Variants in MAP3K6 observed in about 807,000 individuals in gnomAD.
The protein encoded by MAP3K6 is apoptosis signal-regulating kinase 2.
A neutral mutation model predicts 147.1 loss-of-function variants in MAP3K6; 105 were observed. The ratio of observed to expected loss-of-function variants is 0.71; its 90% CI spans 0.61 to 0.84. MAP3K6 has a LOEUF of 0.84. Ranked by LOEUF, MAP3K6 falls within the 40% of genes least tolerant of loss-of-function variation. MAP3K6 has a pLI of 0.00. For missense variants in MAP3K6, 1,569 were observed against 1,715.0 expected, an observed-to-expected ratio of 0.91 and a Z score of 1.50; for synonymous variants, 695 against 732.4, an observed-to-expected ratio of 0.95 and a Z score of 0.82.
chr1:27,361,194 C>A lies in MAP3K6; in HGVS notation c.1795G>T (p.Val599Phe). The part of the protein sequence containing the change: ...FLYALPPAQD[V>F]QLCFPSVGHC... ...CCTACGCTGGGGAAGCACAGCTGGA[C>A]GTCCTGAGCCGGGGGGAGTGCATAG... Residue 599 changes from valine (V) to phenylalanine (F), a missense_variant, in exon 13 of 29, where the codon GTC (valine) becomes TTC (phenylalanine). Transcript: ENST00000357582. 1 of 1,612,754 alleles carries A rather than the reference C, an allele frequency of 6.2e-7. No homozygotes were observed. Among genetic ancestry groups the A allele is most frequent in the Non-Finnish European group, 8.5e-7 (1 of 1,179,732 alleles).
Position 27,356,620 on chromosome 1 carries a change from TG to T in MAP3K6, c.3493del (p.Gln1165SerfsTer2), listed in dbSNP as rs1424056031. 1 of 1,612,942 alleles carries T rather than the reference TG, an allele frequency of 6.2e-7. No individual in the cohort carries two copies. ...AGTCTCTGCCCTCAAGAGGCTCAGC[TG>T]CACCATCAGAGGAGCGGGGCCCTGC... ...PEQGPAPLMV[Q>X]LSLLRAETDR... On this transcript the variant is annotated frameshift_variant, in exon 25 of 29. Transcript: ENST00000357582. LOFTEE classifies it high-confidence loss of function.
chr1:27,355,493 G>C lies in MAP3K6; in HGVS notation c.3789-24C>G, dbSNP rs374778272. Reference sequence around the variant, plus strand: ...CCCTGGGGGTAATGGACTCAGTGTGGCTCAGCCAGAAGGTGGCCCTGGACT... The same window carrying C: ...CCCTGGGGGTAATGGACTCAGTGTGCCTCAGCCAGAAGGTGGCCCTGGACT... On this transcript the variant is annotated intron_variant, in intron 28 of 28. Coordinates refer to ENST00000357582, the MANE Select transcript of MAP3K6 (RefSeq NM_004672.5). 2.3e-5 allele frequency: 37 copies of C among 1,612,550 alleles called. No individual in the cohort carries two copies. The African/African-American group carries it at 4.5e-4, about 20-fold the overall frequency.
intron 6 of MAP3K6, 80 bp downstream of exon 6, chr1:27,363,362 C>T: frequency 8.4e-7 from 1 of 1,186,458 alleles, no homozygotes; most frequent in Non-Finnish European, 1.2e-6. Context: ...TGATCCCAGA[C>T]AGCAATGGCT....
Position 27,359,400 on chromosome 1 carries a change from C to T in MAP3K6, c.2425+17G>A, listed in dbSNP as rs1395904211. The T allele has an allele frequency of 6.2e-6, 10 of 1,613,902 alleles. No homozygotes were observed. The Admixed American group carries it at 8.3e-5, about 13-fold the overall frequency. Reference sequence around the variant, plus strand: ...CCCAGGTCAGCATCCCCACTCACCACCCCCACACCTTGTTACCTGTGAAGG... The same window carrying T: ...CCCAGGTCAGCATCCCCACTCACCATCCCCACACCTTGTTACCTGTGAAGG... On this transcript the variant is annotated intron_variant, in intron 18 of 28. Transcript: ENST00000357582. The surrounding 1 kb of genome is among the most constrained non-coding windows in gnomAD (Gnocchi z 4.4).
chr1:27,366,625 C>T lies in MAP3K6; in HGVS notation c.-28G>A, dbSNP rs1378668164. ...GGGGGCGCTCAGGCGCGGGGCGCCG[C>T]GCACTGGGAACCGGGGGCGGGGCAG... On this transcript the variant is annotated 5_prime_UTR_variant, in exon 1 of 29. Coordinates refer to ENST00000357582, the MANE Select transcript of MAP3K6 (RefSeq NM_004672.5). This position sits in a 1 kb window ranked among gnomAD's most constrained non-coding sequence, Gnocchi z 5.5. 2 of 1,078,600 alleles carry T rather than the reference C, an allele frequency of 1.9e-6. No homozygotes were observed. Among genetic ancestry groups the T allele is most frequent in the Non-Finnish European group, 2.2e-6 (2 of 890,466 alleles). The allele number at this position is 1,078,600 out of a possible 1,614,324, so 66.8% of individuals were successfully genotyped here.
chr1:27,365,974 C>T (rs1292945808), intron 1 of MAP3K6, among the ~76,000 whole-genome samples: 1 of 151,316 alleles, frequency 6.6e-6, no homozygotes, highest in Non-Finnish European at 1.5e-5. Flanking sequence ...CCATCCTTGC[C>T]CCGCTGGCTG....
Position 27,358,962 on chromosome 1 carries a change from A to T in MAP3K6, c.2426-96T>A. 7.9e-7 allele frequency: 1 copy of T among 1,261,044 alleles called. No individual in the cohort carries two copies. The highest frequency in any genetic ancestry group is 1.1e-6 in the Non-Finnish European group (1 of 909,406). The allele number at this position is 1,261,044 out of a possible 1,614,324, so 78.1% of individuals were successfully genotyped here. On this transcript the variant is annotated intron_variant, in intron 18 of 28. Transcript: ENST00000357582. This position sits in a 1 kb window ranked among gnomAD's most constrained non-coding sequence, Gnocchi z 6.2. ...CGTCATCCTCAGGCCGACTGCACCC[A>T]TACTGAACCTATCATCCAAAATATA...
rs1385071945 is a variant in MAP3K6 at position 27,366,474 on chromosome 1, T to C, written c.124A>G (p.Ser42Gly). 1.9e-6 allele frequency: 2 copies of C among 1,080,530 alleles called. No individual in the cohort carries two copies. The highest frequency in any genetic ancestry group is 2.2e-6 in the Non-Finnish European group (2 of 893,718). The allele number at this position is 1,080,530 out of a possible 1,614,324, so 66.9% of individuals were successfully genotyped here. The change falls in exon 1 of 29, where the codon AGC becomes GGC. Residue 42 changes from serine (S) to glycine (G), a missense_variant. Coordinates refer to ENST00000357582, the MANE Select transcript of MAP3K6 (RefSeq NM_004672.5). The surrounding 1 kb of genome is among the most constrained non-coding windows in gnomAD (Gnocchi z 5.5). Reference sequence around the variant, plus strand: ...ACGTAGACCACGCTGAGCGGCCGGCTCCGCGCGCAGCCCCGGCCCGGGGGC... The same window carrying C: ...ACGTAGACCACGCTGAGCGGCCGGCCCCGCGCGCAGCCCCGGCCCGGGGGC... The part of the protein sequence containing the change: ...AAPPGRGCAR[S>G]RPLSVVYVLT...
rs763624874 is a variant in MAP3K6 at position 27,356,751 on chromosome 1, T to G, written c.3365-2A>C. On this transcript the variant is annotated splice_acceptor_variant, in intron 24 of 28. Transcript: ENST00000357582. LOFTEE classifies it high-confidence loss of function. Reference sequence around the variant, plus strand: ...GTGAGACCGCCTCCTTCTCCACCTCTGCAGCCCAGTGCGGTGAACTCAGGC... The same window carrying G: ...GTGAGACCGCCTCCTTCTCCACCTCGGCAGCCCAGTGCGGTGAACTCAGGC... 6.5e-7 allele frequency: 1 copy of G among 1,548,054 alleles called. No homozygotes were observed. The highest frequency in any genetic ancestry group is 2.3e-5 in the East Asian group (1 of 44,260).
In MAP3K6 at chr1:27,360,162, C is replaced by T; in HGVS notation, c.2182+79G>A. The T allele has an allele frequency of 6.3e-7, 1 of 1,593,536 alleles. No individual in the cohort carries two copies. Among genetic ancestry groups the T allele is most frequent in the Non-Finnish European group, 8.6e-7 (1 of 1,168,122 alleles). ...CACACGCACTAGGGTGCATTTCCCC[C>T]TAGGGCTCTCTACCCCTGCCTGCCT... On this transcript the variant is annotated intron_variant, in intron 16 of 28. Transcript: ENST00000357582. The surrounding 1 kb of genome is among the most constrained non-coding windows in gnomAD (Gnocchi z 4.5).
rs200209700 is a variant in MAP3K6, at chr1:27,358,353, C to T, written c.2777-34G>A. Reference sequence around the variant, plus strand: ...GGGACAGAGCCATCAGCTGGGCTCTCCTCCACCCTCACAGCTCCACAACTC... The same window carrying T: ...GGGACAGAGCCATCAGCTGGGCTCTTCTCCACCCTCACAGCTCCACAACTC... On this transcript the variant is annotated intron_variant, in intron 20 of 28. Coordinates refer to ENST00000357582, the MANE Select transcript of MAP3K6 (RefSeq NM_004672.5). This position sits in a 1 kb window ranked among gnomAD's most constrained non-coding sequence, Gnocchi z 6.2. 9.0e-5 allele frequency: 144 copies of T among 1,593,232 alleles called. No homozygotes were observed. In the Admixed American group the frequency reaches 1.8e-3, roughly 20 times the overall value.
chr1:27,356,676 G>C lies in MAP3K6; in HGVS notation c.3438C>G (p.Gly1146=). The change falls in exon 25 of 29, where the codon GGC becomes GGG. Residue 1146 remains glycine, a synonymous_variant. Transcript: ENST00000357582. Reference sequence around the variant, plus strand: ...GCTCCACCGGAAGCGGGCTCTGCTGGCCTGGGCTCTGCTGGGAGTCCCCTT... The same window carrying C: ...GCTCCACCGGAAGCGGGCTCTGCTGCCCTGGGCTCTGCTGGGAGTCCCCTT... The part of the protein sequence containing the change: ...SNEGDSQQSP[G]QQSPLPVEPE... The C allele has an allele frequency of 6.2e-7, 1 of 1,610,748 alleles. No homozygotes were observed. Among genetic ancestry groups the C allele is most frequent in the Non-Finnish European group, 8.5e-7 (1 of 1,178,412 alleles).
Position 27,361,313 on chromosome 1 carries a change from G to A in MAP3K6, c.1736+33C>T, listed in dbSNP as rs770695539. On this transcript the variant is annotated intron_variant, in intron 12 of 28. Transcript: ENST00000357582. The stretch of plus-strand genomic sequence containing the variant: ...TGGGTGGCAGCGACCCTCACCTCCC[G>A]TCTTTCCAGTCACCCCAGGTCCCGC... The A allele has an allele frequency of 5.6e-6, 9 of 1,613,818 alleles. No homozygotes were observed. The East Asian group carries it at 6.7e-5, about 12-fold the overall frequency.
chr1:27,357,790 C>G lies in MAP3K6; in HGVS notation c.3002G>C (p.Arg1001Pro). The G allele has an allele frequency of 3.7e-6, 6 of 1,609,078 alleles. No homozygotes were observed. Among genetic ancestry groups the G allele is most frequent in the East Asian group, 2.2e-5 (1 of 44,768 alleles). Residue 1001 changes from arginine to proline, a missense_variant, in exon 22 of 29, where the codon CGG (arginine) becomes CCG (proline). Transcript: ENST00000357582. ...LSLLHQESKR[R>P]AMLAAVLEQE... ...CTCCAATACTGCGGCCAGCATGGCC[C>G]GACGCTTGCTCTCCTGGTGCAGCAG...
intron 27 of MAP3K6, 138 bp downstream of exon 27, chr1:27,355,888 A>T (rs1412083656): frequency 2.7e-6 from 3 of 1,126,162 alleles, no homozygotes; most frequent in Admixed American, 3.9e-5. Flanking sequence ...TCATCCATAC[A>T]ATGGGACGAG....
chr1:27,356,605 CT>C lies in MAP3K6; in HGVS notation c.3508del (p.Arg1170GlyfsTer29). 6.2e-7 allele frequency: 1 copy of C among 1,612,660 alleles called. No homozygotes were observed. Among genetic ancestry groups the C allele is most frequent in the East Asian group, 2.2e-5 (1 of 44,852 alleles). On this transcript the variant is annotated frameshift_variant, in exon 25 of 29. Coordinates refer to ENST00000357582, the MANE Select transcript of MAP3K6 (RefSeq NM_004672.5). LOFTEE classifies it high-confidence loss of function. ...GGGGCTTTACCGATCAGTCTCTGCC[CT>C]CAAGAGGCTCAGCTGCACCATCAGA... ...APLMVQLSLL[R>X]AETDRLREIL...
At position 27,360,740 on chromosome 1, in the gene MAP3K6, G is replaced by T; in HGVS notation, c.2019C>A (p.Arg673=). The change falls in exon 15 of 29, where the codon CGC becomes CGA. Residue 673 remains arginine, a synonymous_variant. Coordinates refer to ENST00000357582, the MANE Select transcript of MAP3K6 (RefSeq NM_004672.5). This position sits in a 1 kb window ranked among gnomAD's most constrained non-coding sequence, Gnocchi z 4.5. ...GCTCCGGGATCTCCTTGATGGCGAT[G>T]CGCACCCTCGTGTGGCGATCGCGGC... ...YAGRDRHTRV[R]IAIKEIPERD... is the part of the protein sequence containing the mutation. 1.2e-6 allele frequency: 2 copies of T among 1,612,570 alleles called. No individual in the cohort carries two copies. Among genetic ancestry groups the T allele is most frequent in the Non-Finnish European group, 1.7e-6 (2 of 1,179,812 alleles).
chr1:27,360,737 G>T lies in MAP3K6; in HGVS notation c.2022C>A (p.Ile674=), dbSNP rs1280825500. 2.5e-6 allele frequency: 4 copies of T among 1,612,410 alleles called. No homozygotes were observed. Among genetic ancestry groups the T allele is most frequent in the Non-Finnish European group, 3.4e-6 (4 of 1,179,820 alleles). Residue 674 remains isoleucine, a synonymous_variant, in exon 15 of 29, where the codon ATC becomes ATA. Coordinates refer to ENST00000357582, the MANE Select transcript of MAP3K6 (RefSeq NM_004672.5). This position sits in a 1 kb window ranked among gnomAD's most constrained non-coding sequence, Gnocchi z 4.5. Reference sequence around the variant, plus strand: ...CCCGCTCCGGGATCTCCTTGATGGCGATGCGCACCCTCGTGTGGCGATCGC... The same window carrying T: ...CCCGCTCCGGGATCTCCTTGATGGCTATGCGCACCCTCGTGTGGCGATCGC... ...AGRDRHTRVR[I]AIKEIPERDS... is the part of the protein sequence containing the mutation.
rs2015721480 is a variant in MAP3K6, at chr1:27,360,754, G to A, written c.2005C>T (p.His669Tyr). ...TTGATGGCGATGCGCACCCTCGTGT[G>A]GCGATCGCGGCCCGCGTACACCACC... ...YGVVYAGRDR[H>Y]TRVRIAIKEI... is the part of the protein sequence containing the mutation. Residue 669 changes from histidine (H) to tyrosine (Y), a missense_variant, in exon 15 of 29, where the codon CAC (histidine) becomes TAC (tyrosine). Coordinates refer to ENST00000357582, the MANE Select transcript of MAP3K6 (RefSeq NM_004672.5). The surrounding 1 kb of genome is among the most constrained non-coding windows in gnomAD (Gnocchi z 4.5). 6.2e-7 allele frequency: 1 copy of A among 1,612,642 alleles called. No homozygotes were observed. Among genetic ancestry groups the A allele is most frequent in the Non-Finnish European group, 8.5e-7 (1 of 1,179,854 alleles).
Sources: gnomAD v4.1 joint callset for allele counts (sites outside exome capture counted in the v4.1 genomes callset) on GRCh38, gnomAD v4.1.1 for gene constraint, Gnocchi (gnomAD v3.1) non-coding constraint, MANE v1.5 for transcripts, NCBI Gene and HGNC (gene_info 2026-07-23, HGNC 2026-07-21) for gene names.